The following ATP8A2 variants were observed in gnomAD, a reference collection of about 807,000 sequenced individuals.
ATP8A2 encodes phospholipid-transporting ATPase IB.
ATP8A2 carries 100 observed loss-of-function variants against 165.6 expected under a neutral mutation model. The ratio of observed to expected loss-of-function variants is 0.60; its 90% CI spans 0.51 to 0.71. The LOEUF (loss-of-function observed/expected upper bound fraction) is 0.71. Among genes scored for constraint, ATP8A2 ranks in the 30% least tolerant of loss-of-function variants. The pLI is 0.00. For missense variants in ATP8A2, 1,227 were observed against 1,479.5 expected (o/e 0.83, Z 2.80); for synonymous variants, 543 against 548.8 (o/e 0.99, Z 0.15).
chr13:25,544,862 G>A (rs1259901074), intron 10 of ATP8A2, among the ~76,000 whole-genome samples: 1 of 152,084 alleles, frequency 6.6e-6, no homozygotes, highest in Non-Finnish European at 1.5e-5. Context: ...TGGCTACGGG[G>A]GAGGGGCAGA....
chr13:25,564,647 C>T (rs1401005825), intron 16 of ATP8A2, among the ~76,000 whole-genome samples: 1 of 152,172 alleles, frequency 6.6e-6, no homozygotes. Context: ...TCAGTATTAA[C>T]TGCAGAATCA....
chr13:25,539,061 G>GTA (rs1491157043), intron 7 of ATP8A2, among the ~76,000 whole-genome samples: 1 of 23,576 alleles, frequency 4.2e-5, no homozygotes, highest in African/African-American at 5.1e-4. Flanking sequence ...AGAAAATTTA[G>GTA]TGTGTGTGTG....
intron 25 of ATP8A2, among the ~76,000 whole-genome samples, chr13:25,710,211 C>A (rs1017778152): frequency 6.6e-6 from 1 of 152,088 alleles, no homozygotes; most frequent in African/African-American, 2.4e-5. Context: ...ATGTAATGAT[C>A]AGATCAGGGT....
rs566207343 is a variant in ATP8A2, at chr13:25,466,882, G to A, written c.77-2095G>A. On this transcript the variant is annotated intron_variant, in intron 1 of 36. Transcript: ENST00000381655. ...TCCATAAATAAAATCAGGTAATGATGATATCTGGTACTGTGGAGGAAGACA... is the reference window on the plus strand; with the variant it reads ...TCCATAAATAAAATCAGGTAATGATAATATCTGGTACTGTGGAGGAAGACA... 2.6e-5 allele frequency among the ~76,000 whole-genome samples: 4 copies of A among 152,302 alleles called. No homozygotes were observed. The East Asian group carries it at 7.7e-4, about 29-fold the overall frequency.
intron 24 of ATP8A2, among the ~76,000 whole-genome samples, chr13:25,655,203 C>T (rs2041901489): frequency 6.6e-6 from 1 of 152,202 alleles, no homozygotes; most frequent in Non-Finnish European, 1.5e-5. Context: ...CTCTGTCACC[C>T]AGGCTGAGTG....
At chr13:25,912,308 G>A (rs928279188) in intron 33 of ATP8A2, among the ~76,000 whole-genome samples, 1 of 152,170 alleles carries the variant, frequency 6.6e-6, no homozygotes, top group African/African-American at 2.4e-5. Flanking sequence ...GACAGGTGCT[G>A]CATGTTGTCA....
intron 1 of ATP8A2, among the ~76,000 whole-genome samples, chr13:25,378,726 A>AT (rs1164629478): frequency 1.3e-5 from 2 of 152,178 alleles, no homozygotes; most frequent in Non-Finnish European, 2.9e-5. Context: ...ACTAGCCTGC[A>AT]TAACTGACAG....
intron 1 of ATP8A2, among the ~76,000 whole-genome samples, chr13:25,449,713 C>A (rs762947920): frequency 2.0e-5 from 3 of 152,112 alleles, no homozygotes; most frequent in Non-Finnish European, 4.4e-5. Flanking sequence ...ATTAGTTTTC[C>A]ATTATATATC....
chr13:25,621,202 A>G (rs1190389140), intron 24 of ATP8A2, among the ~76,000 whole-genome samples: 1 of 152,182 alleles, frequency 6.6e-6, no homozygotes, highest in Non-Finnish European at 1.5e-5. Flanking sequence ...GTGTTAAAAA[A>G]TGTTTACTTA....
intron 33 of ATP8A2, among the ~76,000 whole-genome samples, chr13:25,920,024 G>A (rs1211716661): frequency 6.6e-6 from 1 of 152,158 alleles, no homozygotes; most frequent in Non-Finnish European, 1.5e-5. Context: ...CTGGGCTCAA[G>A]CAATCCTCCC....
intron 24 of ATP8A2, among the ~76,000 whole-genome samples, chr13:25,640,389 A>C (rs767752334): frequency 0.034 from 5,243 of 152,026 alleles, 158 homozygotes; most frequent in East Asian, 0.13. Context: ...AGAGAAGAAT[A>C]AAATAGACAC....
intron 2 of ATP8A2, among the ~76,000 whole-genome samples, chr13:25,522,259 T>A (rs895332354): frequency 1.3e-5 from 2 of 152,238 alleles, no homozygotes; most frequent in Non-Finnish European, 2.9e-5. Flanking sequence ...TCTTGATTTC[T>A]TTTTTCAGAT....
intron 35 of ATP8A2, among the ~76,000 whole-genome samples, chr13:25,989,303 T>A (rs1956336540): frequency 6.6e-6 from 1 of 152,034 alleles, no homozygotes. Context: ...TGCAATTAAT[T>A]TGCAGCTGAA....
At chr13:25,680,485 T>C (rs1205341292) in intron 24 of ATP8A2, among the ~76,000 whole-genome samples, 1 of 152,156 alleles carries the variant, frequency 6.6e-6, no homozygotes, top group Admixed American at 6.5e-5. Flanking sequence ...TTTTCTGTTG[T>C]TTTAAGCCAC....
At chr13:25,859,486 G>A (rs182928801) in intron 30 of ATP8A2, among the ~76,000 whole-genome samples, 7 of 152,174 alleles carry the variant, frequency 4.6e-5, no homozygotes, top group Admixed American at 1.3e-4. Flanking sequence ...TCTCTGTGCA[G>A]GTGTAGCGGA....
In ATP8A2 at chr13:26,013,406, G is replaced by A. The variant is rs372993163; in HGVS notation, c.3469+784G>A. Among the ~76,000 whole-genome samples, 59 of 152,360 alleles carry A rather than the reference G, an allele frequency of 3.9e-4. 1 individual carries two copies. In the South Asian group the frequency reaches 0.012, roughly 32 times the overall value. On this transcript the variant is annotated intron_variant, in intron 36 of 36. Coordinates refer to ENST00000381655, the MANE Select transcript of ATP8A2 (RefSeq NM_016529.6). ...AGAGATGAGTTGGGCCGGACGCGGT[G>A]GCTCACGCCTGTAATCCTAGAACTT... is the stretch of plus-strand genomic sequence containing the variant.
chr13:25,812,159 A>C (rs1284693430), intron 27 of ATP8A2, among the ~76,000 whole-genome samples: 2 of 149,726 alleles, frequency 1.3e-5, no homozygotes, highest in Admixed American at 1.3e-4. Flanking sequence ...TTCAGGTTTC[A>C]GTTTTCTCTG....
intron 2 of ATP8A2, among the ~76,000 whole-genome samples, chr13:25,524,902 C>A (rs1320414898): frequency 0.027 from 1,939 of 71,978 alleles, 48 homozygotes; most frequent in African/African-American, 0.066. Flanking sequence ...TTCCTTCCTT[C>A]CTTCCTTCCT....
At chr13:25,658,043 A>G (rs1436183556) in intron 24 of ATP8A2, among the ~76,000 whole-genome samples, 4 of 152,192 alleles carry the variant, frequency 2.6e-5, no homozygotes, top group African/African-American at 9.6e-5. Flanking sequence ...TCAGGGAAGC[A>G]TTAAAAACTA....
Sources: gnomAD v4.1 joint callset for allele counts (sites outside exome capture counted in the v4.1 genomes callset) on GRCh38, gnomAD v4.1.1 for gene constraint, MANE v1.5 for transcripts, NCBI Gene and HGNC (gene_info 2026-07-23, HGNC 2026-07-21) for gene names.